The following AKR1E2 variants were observed in gnomAD, a reference collection of about 807,000 sequenced individuals.
AKR1E2 encodes aldo-keto reductase family 1 member E2.
A neutral mutation model predicts 41.9 loss-of-function variants in AKR1E2; 43 were observed. The observed-to-expected ratio is 1.03, with a 90% CI of 0.80 to 1.32. The LOEUF (loss-of-function observed/expected upper bound fraction) is 1.32, where lower values mean the gene tolerates loss of function less well. Among genes scored for constraint, AKR1E2 ranks in the 40% most tolerant of loss-of-function variants. AKR1E2 has a pLI of 0.00. For synonymous variants in AKR1E2, 121 were observed against 138.9 expected (o/e 0.87, Z 0.91); for missense variants, 423 against 396.5 (o/e 1.07, Z -0.57).
chr10:4,844,459 G>C (rs77343432), intron 8 of AKR1E2, among the ~76,000 whole-genome samples: 5,300 of 152,340 alleles, frequency 0.035, 150 homozygotes, highest in East Asian at 0.11. Flanking sequence ...TGGGTTGCCA[G>C]TGCTGGCTTG....
At chr10:4,862,412 A>G in the AKR1E2 span, among the ~76,000 whole-genome samples, 4 of 152,166 alleles carry the variant, frequency 2.6e-5, no homozygotes, top group Non-Finnish European at 5.9e-5. Context: ...TTGGCAATGC[A>G]TGCTCTTTTT....
At chr10:4,853,611 A>G in the AKR1E2 span, among the ~76,000 whole-genome samples, 1 of 152,302 alleles carries the variant, frequency 6.6e-6, no homozygotes, top group East Asian at 1.9e-4. Flanking sequence ...TAAGACACCA[A>G]TCCGTATAAG....
intron 1 of AKR1E2, among the ~76,000 whole-genome samples, chr10:4,829,627 T>C (rs143054452): frequency 2.0e-5 from 3 of 152,300 alleles, no homozygotes; most frequent in East Asian, 3.9e-4. Flanking sequence ...AATAATTATG[T>C]AACTATTCAA....
At position 4,837,519 on chromosome 10, in the gene AKR1E2, C is replaced by A; in HGVS notation, c.520C>A (p.His174Asn). 2 of 1,614,134 alleles carry A rather than the reference C, an allele frequency of 1.2e-6. No homozygotes were observed. Among genetic ancestry groups the A allele is most frequent in the Non-Finnish European group, 1.7e-6 (2 of 1,180,018 alleles). Residue 174 changes from histidine to asparagine, a missense_variant, in exon 5 of 10, where the codon CAT becomes AAT. Physicochemically the swap from His to Asn is moderately conservative, Grantham distance 68. Transcript: ENST00000298375. ...VKNIGVSNFN[H>N]EQLERLLNKP... is the part of the protein sequence containing the mutation. ...GAACATCGGGGTGTCAAACTTCAAC[C>A]ATGAACAGCTTGAGAGGCTTTTGAA...
At chr10:4,853,025 G>T (rs904755900), downstream of AKR1E2, among the ~76,000 whole-genome samples, 3 of 152,110 alleles carry the variant, frequency 2.0e-5, no homozygotes, top group Non-Finnish European at 4.4e-5. Flanking sequence ...GATCAGAGTG[G>T]GATAGATGTT....
intron 7 of AKR1E2, among the ~76,000 whole-genome samples, chr10:4,842,186 G>C (rs369523892): frequency 2.6e-5 from 4 of 152,172 alleles, no homozygotes; most frequent in Admixed American, 6.5e-5. Context: ...ATGTCCAGTG[G>C]GGGGCTGGGC....
Position 4,847,579 on chromosome 10 carries a change from A to G in AKR1E2, c.*49A>G, listed in dbSNP as rs1285167392. On this transcript the variant is annotated 3_prime_UTR_variant, in exon 10 of 10. Transcript: ENST00000298375. ...TGCTCAGCCCAGATGCACAGACACT[A>G]TTGGCAATGTTGACCCTCCTCTGTC... 1 of 1,595,640 alleles carries G rather than the reference A, an allele frequency of 6.3e-7. No individual in the cohort carries two copies. The highest frequency in any genetic ancestry group is 8.6e-7 in the Non-Finnish European group (1 of 1,166,176).
chr10:4,841,129 TCAGA>T (rs1833837567), intron 6 of AKR1E2, among the ~76,000 whole-genome samples: 1 of 152,176 alleles, frequency 6.6e-6, no homozygotes, highest in Non-Finnish European at 1.5e-5. Context: ...CAGGGAGCTC[TCAGA>T]CTGACTGGGG....
At chr10:4,863,603 C>T in the AKR1E2 span, among the ~76,000 whole-genome samples, 4 of 152,002 alleles carry the variant, frequency 2.6e-5, no homozygotes, top group Non-Finnish European at 5.9e-5. Context: ...CAAGAAATAA[C>T]TAAGATCAGA....
chr10:4,858,721 G>A, the AKR1E2 span, among the ~76,000 whole-genome samples: 3 of 152,172 alleles, frequency 2.0e-5, no homozygotes, highest in Non-Finnish European at 4.4e-5. Flanking sequence ...GCAATTCGTC[G>A]GCACAACCAG....
intron 8 of AKR1E2, among the ~76,000 whole-genome samples, chr10:4,843,273 C>A (rs1305355158): frequency 6.6e-6 from 1 of 152,130 alleles, no homozygotes; most frequent in Non-Finnish European, 1.5e-5. Context: ...AGTAGAGCAC[C>A]CTTCTGATAG....
chr10:4,835,632 G>GTTTTA (rs1477987701), intron 3 of AKR1E2, 43 bp from the exon 4 acceptor site: 1 of 1,593,240 alleles, frequency 6.3e-7, no homozygotes, highest in Non-Finnish European at 8.5e-7. Flanking sequence ...TTTTTGTTTT[G>GTTTTA]TTTTGTTTTG....
intron 2 of AKR1E2, 35 bp downstream of exon 2, chr10:4,830,877 G>A: frequency 2.5e-6 from 4 of 1,612,118 alleles, no homozygotes; most frequent in Non-Finnish European, 3.4e-6. Flanking sequence ...GCAGAGCTTG[G>A]GTAATGCTAC....
In AKR1E2 at chr10:4,837,470, C is replaced by T; in HGVS notation, c.471C>T (p.Asp157=). Residue 157 remains aspartate (D), a synonymous_variant, in exon 5 of 10, where the codon GAC becomes GAT. Transcript: ENST00000298375. ...TCGTTCTCTTATAGGCCATGGAGGA[C>T]CTGGTGATCACCGGGCTGGTGAAGA... ...DFLDTWEAME[D]LVITGLVKNI... is the part of the protein sequence containing the mutation. 2 of 1,614,132 alleles carry T rather than the reference C, an allele frequency of 1.2e-6. No individual in the cohort carries two copies. The highest frequency in any genetic ancestry group is 2.2e-5 in the South Asian group (2 of 91,080).
In AKR1E2 at chr10:4,841,825, A is replaced by G; in HGVS notation, c.721A>G (p.Ile241Val). ...GATAGACAACCCTGTGATCAAGAGG[A>G]TTGCAAAGGAGCACGGCAAGTCTCC... is the stretch of plus-strand genomic sequence containing the variant. ...DLIDNPVIKRIAKEHGKSPAQ... is the reference protein window; with the variant it reads ...DLIDNPVIKRVAKEHGKSPAQ... The change falls in exon 7 of 10, where the codon ATT becomes GTT. Residue 241 changes from isoleucine to valine, a missense_variant. Coordinates refer to ENST00000298375, the MANE Select transcript of AKR1E2 (RefSeq NM_001040177.3). 2 of 1,613,434 alleles carry G rather than the reference A, an allele frequency of 1.2e-6. No individual in the cohort carries two copies. The highest frequency in any genetic ancestry group is 2.2e-5 in the South Asian group (2 of 90,940).
downstream of AKR1E2, among the ~76,000 whole-genome samples, chr10:4,850,792 G>T (rs1233368476): frequency 6.6e-6 from 1 of 152,138 alleles, no homozygotes; most frequent in Admixed American, 6.6e-5. Flanking sequence ...GCCGCAGGGT[G>T]ACTATGTGCA....
intron 8 of AKR1E2, among the ~76,000 whole-genome samples, chr10:4,846,360 G>A (rs1325267927): frequency 1.3e-5 from 2 of 152,142 alleles, no homozygotes; most frequent in Non-Finnish European, 2.9e-5. Flanking sequence ...GGGGAGGGAA[G>A]GGCTGAGAAG....
the AKR1E2 span, among the ~76,000 whole-genome samples, chr10:4,871,586 C>G: frequency 2.0e-5 from 3 of 152,018 alleles, no homozygotes; most frequent in African/African-American, 4.8e-5. Flanking sequence ...GTGATCACCC[C>G]TTCCAGGGAT....
At position 4,830,757 on chromosome 10, in the gene AKR1E2, A is replaced by G. The variant is rs754326946; in HGVS notation, c.122A>G (p.His41Arg). ...CACTTCGACTGTGCTTACTTTTACCACAATGAGAGGGAGGTTGGAGCAGGG... is the reference window on the plus strand; with the variant it reads ...CACTTCGACTGTGCTTACTTTTACCGCAATGAGAGGGAGGTTGGAGCAGGG... Reference protein sequence around the residue: ...YRHFDCAYFYHNEREVGAGIR... With the variant: ...YRHFDCAYFYRNEREVGAGIR... Residue 41 changes from histidine (H) to arginine (R), a missense_variant, in exon 2 of 10, where the codon CAC becomes CGC. Coordinates refer to ENST00000298375, the MANE Select transcript of AKR1E2 (RefSeq NM_001040177.3). 1.2e-6 allele frequency: 2 copies of G among 1,614,050 alleles called. No individual in the cohort carries two copies. Among genetic ancestry groups the G allele is most frequent in the Non-Finnish European group, 1.7e-6 (2 of 1,180,032 alleles).
Sources: allele counts gnomAD v4.1 joint callset (sites outside exome capture counted in the v4.1 genomes callset), GRCh38; gene constraint gnomAD v4.1.1; transcripts MANE v1.5; gene names NCBI Gene and HGNC (gene_info 2026-07-23, HGNC 2026-07-21).